OR9Q1: variants seen among roughly 807,000 people sequenced by gnomAD.
OR9Q1 encodes olfactory receptor 9Q1.
For synonymous variants in OR9Q1, 153 were observed against 148.6 expected (o/e 1.03, Z -0.22); for missense variants, 374 against 378.8 (o/e 0.99, Z 0.11).
chr11:58,172,620 G>A (rs769486037), intron 2 of OR9Q1, among the ~76,000 whole-genome samples: 9 of 152,236 alleles, frequency 5.9e-5, no homozygotes, highest in Non-Finnish European at 5.9e-5. Flanking sequence ...AAGTGATGGA[G>A]CCAGGACTCA....
At chr11:58,102,243 G>C (rs1853790930) in intron 2 of OR9Q1, among the ~76,000 whole-genome samples, 1 of 87,102 alleles carries the variant, frequency 1.1e-5, no homozygotes, top group Non-Finnish European at 2.2e-5. Context: ...TTGTTTTGTA[G>C]TTGTTTTGTA....
chr11:58,123,535 C>A (rs544266616), intron 2 of OR9Q1, among the ~76,000 whole-genome samples: 2 of 152,312 alleles, frequency 1.3e-5, no homozygotes, highest in East Asian at 1.9e-4. Flanking sequence ...CTGTTTCATA[C>A]ATTAGCTCTA....
intron 2 of OR9Q1, among the ~76,000 whole-genome samples, chr11:58,148,197 G>A (rs892555471): frequency 1.3e-5 from 2 of 152,148 alleles, no homozygotes; most frequent in Admixed American, 6.5e-5. Context: ...TTGATTGAGT[G>A]TAGGTGTAAA....
intron 2 of OR9Q1, among the ~76,000 whole-genome samples, chr11:58,106,421 A>G (rs182455083): frequency 9.2e-5 from 14 of 152,192 alleles, no homozygotes; most frequent in Admixed American, 6.5e-4. Flanking sequence ...GATGGCTTGC[A>G]AATATTTTTT....
At chr11:58,029,354 G>A (rs1053899012) in intron 1 of OR9Q1, among the ~76,000 whole-genome samples, 8 of 152,142 alleles carry the variant, frequency 5.3e-5, no homozygotes, top group African/African-American at 1.9e-4. Flanking sequence ...CTGTCACTGG[G>A]TTTCAAGAAG....
chr11:58,143,239 T>C (rs1447178), intron 2 of OR9Q1, among the ~76,000 whole-genome samples: 150,826 of 152,314 alleles, frequency 0.99, 74,693 homozygotes, highest in East Asian at 1. Flanking sequence ...TTATGTCCTT[T>C]ACAATAATAT....
At chr11:58,086,654 A>G (rs894170707) in intron 2 of OR9Q1, among the ~76,000 whole-genome samples, 3 of 151,954 alleles carry the variant, frequency 2.0e-5, no homozygotes, top group African/African-American at 7.3e-5. Context: ...GTACATATAT[A>G]CAATGGAATA....
chr11:58,033,875 A>G (rs1853068158), intron 1 of OR9Q1, among the ~76,000 whole-genome samples: 1 of 152,136 alleles, frequency 6.6e-6, no homozygotes, highest in African/African-American at 2.4e-5. Flanking sequence ...AGTCTCTATA[A>G]CAAGAGAGAC....
At chr11:58,075,905 T>C (rs1380519296) in intron 2 of OR9Q1, among the ~76,000 whole-genome samples, 1 of 152,190 alleles carries the variant, frequency 6.6e-6, no homozygotes, top group Non-Finnish European at 1.5e-5. Context: ...TGTGCCAACC[T>C]CTGTACCAAG....
At chr11:58,027,544 C>T (rs1852987556) in intron 1 of OR9Q1, among the ~76,000 whole-genome samples, 1 of 152,118 alleles carries the variant, frequency 6.6e-6, no homozygotes, top group African/African-American at 2.4e-5. Flanking sequence ...AAAGCTTAAA[C>T]TATTTAAATC....
intron 2 of OR9Q1, among the ~76,000 whole-genome samples, chr11:58,067,594 A>G (rs960602580): frequency 6.6e-6 from 1 of 152,222 alleles, no homozygotes; most frequent in Non-Finnish European, 1.5e-5. Flanking sequence ...CAGTAAGAGG[A>G]GGGCTGGTGC....
At chr11:58,039,236 G>A (rs1853136490) in intron 1 of OR9Q1, among the ~76,000 whole-genome samples, 1 of 152,172 alleles carries the variant, frequency 6.6e-6, no homozygotes, top group African/African-American at 2.4e-5. Context: ...TGATCCACCC[G>A]CCTTGGCCTC....
intron 1 of OR9Q1, among the ~76,000 whole-genome samples, chr11:58,043,655 C>T (rs1590552199): frequency 6.6e-6 from 1 of 152,322 alleles, no homozygotes; most frequent in Non-Finnish European, 1.5e-5. Context: ...TATTATGCTT[C>T]ATTGCCTTTG....
chr11:58,142,418 A>G (rs1854259301), intron 2 of OR9Q1, among the ~76,000 whole-genome samples: 1 of 152,144 alleles, frequency 6.6e-6, no homozygotes, highest in Non-Finnish European at 1.5e-5. Flanking sequence ...TTTTAAGAAC[A>G]TGGCGAATCA....
intron 1 of OR9Q1, among the ~76,000 whole-genome samples, chr11:58,027,358 CTGTG>C (rs1453683030): frequency 1.3e-5 from 2 of 152,130 alleles, no homozygotes; most frequent in African/African-American, 4.8e-5. Context: ...TGTAACAGTC[CTGTG>C]TGAGTCTAGG....
intron 2 of OR9Q1, among the ~76,000 whole-genome samples, chr11:58,128,969 C>T (rs538564866): frequency 3.3e-5 from 5 of 152,180 alleles, no homozygotes; most frequent in East Asian, 1.9e-4. Flanking sequence ...TAAATTCACT[C>T]GTTTCTTTTC....
intron 2 of OR9Q1, chr11:58,108,758 C>T (rs1853867084): frequency 9.3e-6 from 2 of 213,988 alleles, no homozygotes; most frequent in South Asian, 7.8e-5. Context: ...ACGAGTTTTC[C>T]AAATGCAGCT....
intron 2 of OR9Q1, among the ~76,000 whole-genome samples, chr11:58,081,550 G>T (rs537403967): frequency 6.6e-6 from 1 of 152,082 alleles, no homozygotes; most frequent in Non-Finnish European, 1.5e-5. Context: ...GTTTTGATTT[G>T]CATTTCTCTA....
chr11:58,043,364 G>T (rs897382819), intron 1 of OR9Q1, among the ~76,000 whole-genome samples: 1 of 152,118 alleles, frequency 6.6e-6, no homozygotes, highest in South Asian at 2.1e-4. Flanking sequence ...TTCTGAACCT[G>T]GTCTTCCTGC....
Sources: allele counts gnomAD v4.1 joint callset (sites outside exome capture counted in the v4.1 genomes callset), GRCh38; gene constraint gnomAD v4.1.1; transcripts MANE v1.5; gene names NCBI Gene and HGNC (gene_info 2026-07-23, HGNC 2026-07-21).